The following MAGI2 variants were observed in gnomAD, a reference collection of about 807,000 sequenced individuals.
The protein encoded by MAGI2 is membrane associated guanylate kinase, WW and PDZ domain containing 2.
In MAGI2, 35 loss-of-function variants were observed where a neutral mutation model predicts 133.3. The ratio of observed to expected loss-of-function variants is 0.26; its 90% CI spans 0.20 to 0.35. The LOEUF is 0.35. Among genes scored for constraint, MAGI2 ranks in the 10% least tolerant of loss-of-function variants. The probability of loss-of-function intolerance (pLI) is 1.00; values close to 1 mark genes in which losing one functional copy is unlikely to be tolerated. For synonymous variants in MAGI2, 729 were observed against 710.6 expected (o/e 1.03, Z -0.41); for missense variants, 1,636 against 1,863.4 (o/e 0.88, Z 2.25).
intron 9 of MAGI2, among the ~76,000 whole-genome samples, chr7:78,320,524 C>T (rs948419072): frequency 6.6e-6 from 1 of 152,152 alleles, no homozygotes. Flanking sequence ...ACAAAAAACA[C>T]ATGATTATCT....
At chr7:79,440,527 A>G (rs17488674) in intron 1 of MAGI2, among the ~76,000 whole-genome samples, 1,656 of 152,138 alleles carry the variant, frequency 0.011, 8 homozygotes, top group Non-Finnish European at 0.018. Flanking sequence ...GACTGAGCCT[A>G]TGTAGCTGGA....
At chr7:79,195,741 A>G (rs1320627256) in intron 1 of MAGI2, among the ~76,000 whole-genome samples, 1 of 151,938 alleles carries the variant, frequency 6.6e-6, no homozygotes, top group East Asian at 1.9e-4. Flanking sequence ...GTCATATTAA[A>G]GTAATATCTG....
chr7:79,125,807 CAGA>C, intron 1 of MAGI2: 1 of 510,038 alleles, frequency 2.0e-6, no homozygotes, highest in South Asian at 1.4e-5. Flanking sequence ...ATGGCAGTGG[CAGA>C]AGGTTTTAAT....
intron 2 of MAGI2, among the ~76,000 whole-genome samples, chr7:78,670,652 C>G (rs187466652): frequency 1.3e-5 from 2 of 152,150 alleles, no homozygotes; most frequent in Non-Finnish European, 2.9e-5. Flanking sequence ...GGAGGCATCA[C>G]GCTACCTGAC....
intron 2 of MAGI2, among the ~76,000 whole-genome samples, chr7:78,772,693 G>A (rs909551628): frequency 6.6e-6 from 1 of 152,092 alleles, no homozygotes; most frequent in African/African-American, 2.4e-5. Context: ...TACCTTGCAT[G>A]GAAAAGATCC....
chr7:78,813,655 G>A (rs1384267680), intron 2 of MAGI2, among the ~76,000 whole-genome samples: 2 of 151,806 alleles, frequency 1.3e-5, no homozygotes, highest in Admixed American at 6.6e-5. Context: ...GCGTGGTGGC[G>A]GGCGCCTGTG....
rs140974949 is a variant in MAGI2 at position 78,769,563 on chromosome 7, C to T, written c.419-142324G>A. On this transcript the variant is annotated intron_variant, in intron 2 of 21. Transcript: ENST00000354212. ...GAAAGGAACCACAAGTCAGTCCGTC[C>T]CCATCAGAAAACAGAGATCAGAGCA... is the stretch of plus-strand genomic sequence containing the variant. Among the ~76,000 whole-genome samples the T allele has an allele frequency of 7.2e-5, 11 of 152,180 alleles. No individual in the cohort carries two copies. In the East Asian group the frequency reaches 2.1e-3, roughly 29 times the overall value.
At chr7:78,635,754 A>T (rs1245814480) in intron 2 of MAGI2, among the ~76,000 whole-genome samples, 2 of 152,240 alleles carry the variant, frequency 1.3e-5, no homozygotes, top group African/African-American at 4.8e-5. Context: ...TAAGTTGGTC[A>T]CAGTTACTCA....
At chr7:78,402,541 C>T (rs1053672022) in intron 6 of MAGI2, among the ~76,000 whole-genome samples, 2 of 152,170 alleles carry the variant, frequency 1.3e-5, no homozygotes, top group African/African-American at 2.4e-5. Context: ...TAATATCATG[C>T]TATACAGTCT....
rs550639756 is a variant in MAGI2 at position 78,047,421 on chromosome 7, G to A, written c.3707-27445C>T. Reference sequence around the variant, plus strand: ...GCCTGTTGCCTTTTAGAAGGCCGCCGAGCCTTCTTGGATTTTCTAATGATG... The same window carrying A: ...GCCTGTTGCCTTTTAGAAGGCCGCCAAGCCTTCTTGGATTTTCTAATGATG... On this transcript the variant is annotated intron_variant, in intron 21 of 21. Coordinates refer to ENST00000354212, the MANE Select transcript of MAGI2 (RefSeq NM_012301.4). Among the ~76,000 whole-genome samples the A allele has an allele frequency of 7.9e-5, 12 of 152,270 alleles. No individual in the cohort carries two copies. In the East Asian group the frequency reaches 1.7e-3, roughly 22 times the overall value.
rs10672746 is a variant in MAGI2, at chr7:78,765,343, CTTTT to C, written c.419-138108_419-138105del. 1.7e-3 allele frequency among the ~76,000 whole-genome samples: 149 copies of C among 89,066 alleles called. 1 individual carries two copies. The highest frequency in any genetic ancestry group is 6.6e-3 in the African/African-American group (141 of 21,456). The allele number at this position is 89,066 out of a possible 152,430, so 58.4% of individuals were successfully genotyped here. A position where few individuals can be genotyped will look rare whatever the true frequency, so the allele number is the denominator to read the frequency against. ...CATTTAACAAATGTTTAGTGCACAT[CTTTT>C]TTTTTTTTTTTTTTTTTTGAGACAG... On this transcript the variant is annotated intron_variant, in intron 2 of 21. Transcript: ENST00000354212.
chr7:78,597,071 G>A (rs1389298717), intron 3 of MAGI2, among the ~76,000 whole-genome samples: 1 of 152,160 alleles, frequency 6.6e-6, no homozygotes, highest in Non-Finnish European at 1.5e-5. Context: ...CTATTAGGAT[G>A]CAATAAAAGT....
At chr7:78,163,458 G>A (rs1409819238) in intron 15 of MAGI2, among the ~76,000 whole-genome samples, 1 of 152,080 alleles carries the variant, frequency 6.6e-6, no homozygotes, top group African/African-American at 2.4e-5. Flanking sequence ...AGTTTTTAGG[G>A]TAAGCTGTTT....
chr7:78,719,470 T>C (rs1038074613), intron 2 of MAGI2, among the ~76,000 whole-genome samples: 22 of 152,202 alleles, frequency 1.4e-4, no homozygotes, highest in African/African-American at 5.1e-4. Context: ...AGAAGTGACA[T>C]TGTCATCAGT....
chr7:79,104,947 CTT>C (rs1421068302), intron 1 of MAGI2, among the ~76,000 whole-genome samples: 2 of 152,202 alleles, frequency 1.3e-5, no homozygotes, highest in African/African-American at 4.8e-5. Flanking sequence ...TACCTCCTGT[CTT>C]TTAAATCCTT....
chr7:78,931,184 C>T (rs1800087869), intron 2 of MAGI2, among the ~76,000 whole-genome samples: 2 of 152,066 alleles, frequency 1.3e-5, no homozygotes, highest in Admixed American at 1.3e-4. Flanking sequence ...TGAAGAGTGG[C>T]AGTCATTCTT....
At chr7:78,252,589 T>C (rs1179473824) in intron 10 of MAGI2, 1 of 150,900 alleles carries the variant, frequency 6.6e-6, no homozygotes, top group Non-Finnish European at 1.5e-5. Context: ...ACACAAGAAA[T>C]CTCAGGTCAG....
At chr7:78,794,829 C>T (rs369771984) in intron 2 of MAGI2, among the ~76,000 whole-genome samples, 72 of 152,166 alleles carry the variant, frequency 4.7e-4, no homozygotes, top group African/African-American at 1.2e-3. Context: ...GTTGGCTACA[C>T]GCATAACCAA....
intron 1 of MAGI2, among the ~76,000 whole-genome samples, chr7:79,418,022 ATAT>A (rs1846663569): frequency 6.6e-6 from 1 of 152,154 alleles, no homozygotes; most frequent in African/African-American, 2.4e-5. Flanking sequence ...CAGGCATTAA[ATAT>A]TATAAAATTC....
Sources: gnomAD v4.1 joint callset for allele counts (sites outside exome capture counted in the v4.1 genomes callset) on GRCh38, gnomAD v4.1.1 for gene constraint, MANE v1.5 for transcripts, NCBI Gene and HGNC (gene_info 2026-07-23, HGNC 2026-07-21) for gene names.